The following PREX1 variants were observed in gnomAD, a reference collection of about 807,000 sequenced individuals.
The protein encoded by PREX1 is phosphatidylinositol-3,4,5-trisphosphate dependent Rac exchange factor 1.
A neutral mutation model predicts 198.3 loss-of-function variants in PREX1; 41 were observed. The observed-to-expected ratio is 0.21, with a 90% CI of 0.16 to 0.27. PREX1 has a LOEUF of 0.27. Ranked by LOEUF, PREX1 falls within the 10% of genes least tolerant of loss-of-function variation. The pLI is 1.00. For missense variants in PREX1, 1,620 were observed against 2,200.7 expected, an observed-to-expected ratio of 0.74 and a Z score of 5.28; for synonymous variants, 843 against 887.2, an observed-to-expected ratio of 0.95 and a Z score of 0.89.
rs117759875 is a variant in PREX1, at chr20:48,716,397, T to C, written c.622-7976A>G. ...AAAACTGTGTCATCAGCTCCCAGCA[T>C]GGCCGTAAGAGGCAGCCTGAGGCGC... On this transcript the variant is annotated intron_variant, in intron 5 of 39. Transcript: ENST00000371941. 1.1e-3 allele frequency among the ~76,000 whole-genome samples: 175 copies of C among 152,302 alleles called. 2 individuals carry two copies. The South Asian group carries it at 0.016, about 14-fold the overall frequency.
intron 10 of PREX1, among the ~76,000 whole-genome samples, chr20:48,687,944 A>G (rs1431561376): frequency 1.3e-5 from 2 of 152,086 alleles, no homozygotes; most frequent in African/African-American, 4.8e-5. Flanking sequence ...CGCCCCTCAC[A>G]TGTAACTCAG....
At chr20:48,774,609 GTCAGGC>G (rs1467803115) in intron 1 of PREX1, among the ~76,000 whole-genome samples, 2 of 152,244 alleles carry the variant, frequency 1.3e-5, no homozygotes, top group Admixed American at 6.5e-5. Flanking sequence ...TTCAGGGTGT[GTCAGGC>G]TCTGGAAACC....
intron 1 of PREX1, among the ~76,000 whole-genome samples, chr20:48,766,939 A>C (rs765225294): frequency 2.6e-5 from 4 of 152,132 alleles, no homozygotes; most frequent in Non-Finnish European, 5.9e-5. Context: ...GACTACGAGA[A>C]ATGCTGCACA....
At chr20:48,696,624 CAT>C (rs2089847595) in intron 7 of PREX1, among the ~76,000 whole-genome samples, 5 of 151,830 alleles carry the variant, frequency 3.3e-5, no homozygotes, top group African/African-American at 1.2e-4. Context: ...TACATACATA[CAT>C]ACATACATAC....
chr20:48,654,244 C>T (rs761236427), intron 19 of PREX1, among the ~76,000 whole-genome samples: 9 of 152,254 alleles, frequency 5.9e-5, no homozygotes, highest in Non-Finnish European at 1.0e-4. Context: ...CGAGCTAACA[C>T]GTGTGCAGCA....
chr20:48,729,467 G>GC (rs1168043414), intron 4 of PREX1, among the ~76,000 whole-genome samples: 18 of 151,848 alleles, frequency 1.2e-4, no homozygotes, highest in Admixed American at 3.3e-4. Flanking sequence ...AGTCTCTGCT[G>GC]CCCCCCCAAT....
intron 15 of PREX1, among the ~76,000 whole-genome samples, chr20:48,661,468 T>TACACAC (rs778376565): frequency 1.3e-5 from 1 of 76,814 alleles, no homozygotes; most frequent in Non-Finnish European, 2.1e-5. Flanking sequence ...TATATATATA[T>TACACAC]ACACACACAT....
chr20:48,821,696 G>C (rs540167913), intron 1 of PREX1: 2 of 152,300 alleles, frequency 1.3e-5, no homozygotes, highest in African/African-American at 4.8e-5. Context: ...AATAGGATGT[G>C]GGTTTCTTTA....
At chr20:48,820,272 G>A (rs1170312291) in intron 1 of PREX1, among the ~76,000 whole-genome samples, 1 of 152,234 alleles carries the variant, frequency 6.6e-6, no homozygotes, top group Admixed American at 6.5e-5. Context: ...TCCGGGAGGA[G>A]GGGTGAGCCC....
chr20:48,706,672 C>A (rs910863665), intron 6 of PREX1, among the ~76,000 whole-genome samples: 1 of 152,140 alleles, frequency 6.6e-6, no homozygotes, highest in African/African-American at 2.4e-5. Context: ...CACCAGAGAC[C>A]AAATCAGAGC....
intron 1 of PREX1, among the ~76,000 whole-genome samples, chr20:48,752,447 A>T (rs910642819): frequency 1.3e-5 from 2 of 152,050 alleles, no homozygotes; most frequent in Non-Finnish European, 2.9e-5. Flanking sequence ...CCCTTACCCC[A>T]CACCACATCG....
chr20:48,655,366 T>A lies in PREX1; in HGVS notation c.2133A>T (p.Lys711Asn), dbSNP rs2089535002. 1 of 1,582,442 alleles carries A rather than the reference T, an allele frequency of 6.3e-7. No individual in the cohort carries two copies. ...LVATKAKEII[K>N]IPDQPDTLCF... is the part of the protein sequence containing the mutation. ...ACAGTGTGTCCGGCTGGTCGGGGAT[T>A]TTGATGATCCTGCACCAGGTAGAAG... is the stretch of plus-strand genomic sequence containing the variant. The change falls in exon 19 of 40, where the codon AAA becomes AAT. Residue 711 changes from lysine (K) to asparagine (N), a missense_variant. Around this residue, in one of 7 missense-constraint regions of PREX1, gnomAD observed 514 missense variants for 611.6 expected, o/e 0.84. Coordinates refer to ENST00000371941, the MANE Select transcript of PREX1 (RefSeq NM_020820.4).
intron 1 of PREX1, among the ~76,000 whole-genome samples, chr20:48,822,576 T>A (rs144534024): frequency 4.5e-4 from 69 of 152,364 alleles, no homozygotes; most frequent in African/African-American, 1.5e-3. Context: ...GTTGCATTAA[T>A]CTAATAACCA....
intron 4 of PREX1, among the ~76,000 whole-genome samples, chr20:48,731,703 C>T (rs1330317687): frequency 2.0e-5 from 3 of 152,228 alleles, no homozygotes; most frequent in Admixed American, 6.5e-5. Flanking sequence ...CTCTTCTGCA[C>T]GTGGCCAAAA....
intron 1 of PREX1, among the ~76,000 whole-genome samples, chr20:48,806,040 G>A (rs6066861): frequency 0.26 from 39,573 of 152,130 alleles, 5,917 homozygotes; most frequent in East Asian, 0.43. Flanking sequence ...TGTGTGATAA[G>A]GCTGTGCTAG....
At chr20:48,661,419 CAAAA>C (rs1168247790) in intron 15 of PREX1, among the ~76,000 whole-genome samples, 6 of 12,020 alleles carry the variant, frequency 5.0e-4, no homozygotes, top group African/African-American at 1.2e-3. Flanking sequence ...AACTCCATCT[CAAAA>C]AAAAAAAAAA....
intron 5 of PREX1, among the ~76,000 whole-genome samples, chr20:48,711,924 C>G (rs2089933579): frequency 6.6e-6 from 1 of 152,202 alleles, no homozygotes; most frequent in South Asian, 2.1e-4. Flanking sequence ...CACCTGAAAC[C>G]CTGGTGGTGA....
intron 18 of PREX1, among the ~76,000 whole-genome samples, chr20:48,656,679 C>T (rs1280650091): frequency 2.0e-5 from 3 of 152,148 alleles, no homozygotes; most frequent in Admixed American, 6.5e-5. Flanking sequence ...CACTCTGGCC[C>T]CTTTCCCGGG....
chr20:48,657,335 C>T, intron 17 of PREX1, 147 bp from the exon 18 acceptor site: 2 of 993,732 alleles, frequency 2.0e-6, no homozygotes, highest in South Asian at 1.6e-5. Context: ...CTGTGGTAAG[C>T]AGTTGAGGGG....
Sources: gnomAD v4.1 joint callset for allele counts (sites outside exome capture counted in the v4.1 genomes callset) on GRCh38, gnomAD v4.1.1 for gene constraint, gnomAD v4.1.1 regional missense constraint, MANE v1.5 for transcripts, NCBI Gene and HGNC (gene_info 2026-07-23, HGNC 2026-07-21) for gene names.